CLTA: variants seen among roughly 807,000 people sequenced by gnomAD.
CLTA encodes clathrin light chain A.
CLTA carries 9 observed loss-of-function variants against 26.9 expected under a neutral mutation model. That is an observed-to-expected ratio of 0.33 (90% CI 0.20 to 0.58). The LOEUF (loss-of-function observed/expected upper bound fraction) is 0.58. Among genes scored for constraint, CLTA ranks in the 20% least tolerant of loss-of-function variants. The pLI is 0.85. For synonymous variants in CLTA, 120 were observed against 115.5 expected, an observed-to-expected ratio of 1.04 and a Z score of -0.25; for missense variants, 278 against 294.2, an observed-to-expected ratio of 0.94 and a Z score of 0.40.
chr9:36,197,285 C>T (rs1015862740), intron 1 of CLTA, among the ~76,000 whole-genome samples: 1 of 152,114 alleles, frequency 6.6e-6, no homozygotes, highest in Non-Finnish European at 1.5e-5. Flanking sequence ...GCTAGTCTTC[C>T]ATTTGTTACC....
chr9:36,198,386 A>C (rs1296231193), intron 2 of CLTA, among the ~76,000 whole-genome samples: 1 of 151,436 alleles, frequency 6.6e-6, no homozygotes, highest in Non-Finnish European at 1.5e-5. Flanking sequence ...CCTTAAAAGC[A>C]ACAACACAGG....
At chr9:36,207,401 C>G (rs914043881) in intron 4 of CLTA, among the ~76,000 whole-genome samples, 4 of 152,234 alleles carry the variant, frequency 2.6e-5, no homozygotes, top group Non-Finnish European at 4.4e-5. Context: ...TCAGCTCTTT[C>G]AAGGCTTGAG....
Position 36,211,368 on chromosome 9 carries a change from C to G in CLTA, c.486-235C>G, listed in dbSNP as rs527862249. ...GAGACAGACAGAGAGACATAGTGAG[C>G]CTTGAACCAAACACCTGTATTCCAA... On this transcript the variant is annotated intron_variant, in intron 4 of 4. Transcript: ENST00000345519. Among the ~76,000 whole-genome samples the G allele has an allele frequency of 6.6e-5, 10 of 152,288 alleles. No homozygotes were observed. The East Asian group carries it at 7.7e-4, about 12-fold the overall frequency.
chr9:36,204,961 C>T (rs1028177261), intron 4 of CLTA, among the ~76,000 whole-genome samples: 1 of 152,098 alleles, frequency 6.6e-6, no homozygotes, highest in Non-Finnish European at 1.5e-5. Context: ...CGGGCCAGAC[C>T]GAGCCTGGGG....
intron 3 of CLTA, 40 bp from the exon 4 acceptor site, chr9:36,204,028 T>G: frequency 1.9e-6 from 3 of 1,611,830 alleles, no homozygotes; most frequent in Non-Finnish European, 2.5e-6. Context: ...GTTTGCACTT[T>G]GCCTCAATTG....
intron 1 of CLTA, among the ~76,000 whole-genome samples, chr9:36,192,793 A>G (rs756405920): frequency 6.6e-6 from 1 of 152,156 alleles, no homozygotes; most frequent in Non-Finnish European, 1.5e-5. Context: ...ATTCTGTTGC[A>G]GTGTTTAGTT....
At chr9:36,193,313 C>T (rs1262734338) in intron 1 of CLTA, among the ~76,000 whole-genome samples, 3 of 148,390 alleles carry the variant, frequency 2.0e-5, no homozygotes, top group Non-Finnish European at 4.5e-5. Flanking sequence ...TTTTCTTTTT[C>T]CTTCTTTTTT....
At chr9:36,207,525 C>G (rs7851157) in intron 4 of CLTA, among the ~76,000 whole-genome samples, 14,418 of 152,266 alleles carry the variant, frequency 0.095, 930 homozygotes, top group South Asian at 0.17. Flanking sequence ...AGAGCTTGTC[C>G]TAGGTCAGGT....
chr9:36,197,644 T>C (rs1460259109), intron 2 of CLTA, 56 bp downstream of exon 2: 4 of 1,343,558 alleles, frequency 3.0e-6, no homozygotes, highest in Non-Finnish European at 4.2e-6. Context: ...TCCTTTCCTG[T>C]GATTTTAATT....
At chr9:36,198,824 G>A (rs1370563695) in intron 2 of CLTA, among the ~76,000 whole-genome samples, 155 bp from the exon 3 acceptor site, 1 of 147,720 alleles carries the variant, frequency 6.8e-6, no homozygotes, top group African/African-American at 2.5e-5. Context: ...AGTGAGCCGA[G>A]ATCGTGCCAC....
At chr9:36,194,150 C>T (rs1478992734) in intron 1 of CLTA, among the ~76,000 whole-genome samples, 7 of 152,170 alleles carry the variant, frequency 4.6e-5, no homozygotes, top group South Asian at 4.1e-4. Context: ...CTCAGCCTCC[C>T]GAGTAGCTGG....
chr9:36,207,192 A>G (rs550902247), intron 4 of CLTA, among the ~76,000 whole-genome samples: 1 of 152,248 alleles, frequency 6.6e-6, no homozygotes, highest in East Asian at 1.9e-4. Context: ...CCCAGACTGC[A>G]TCTCCCTTCT....
intron 1 of CLTA, among the ~76,000 whole-genome samples, chr9:36,192,489 CA>C (rs1826792834): frequency 6.6e-6 from 1 of 152,120 alleles, no homozygotes; most frequent in Non-Finnish European, 1.5e-5. Context: ...ATCAGTCCCC[CA>C]ATAAGAACTT....
At position 36,204,085 on chromosome 9, in the gene CLTA, C is replaced by G. The variant is rs1177053055; in HGVS notation, c.391C>G (p.Gln131Glu). The G allele has an allele frequency of 6.2e-7, 1 of 1,613,996 alleles. No individual in the cohort carries two copies. Among genetic ancestry groups the G allele is most frequent in the Admixed American group, 1.7e-5 (1 of 60,010 alleles). The change falls in exon 4 of 5, where the codon CAA becomes GAA. Residue 131 changes from glutamine to glutamate, a missense_variant. Transcript: ENST00000345519. ...CTTCAAAGATGCCAATTCTCGGAAG[C>G]AAGAAGCAGAGTGGAAAGAAAAGGC... is the stretch of plus-strand genomic sequence containing the variant. ...LEALDANSRKQEAEWKEKAIK... is the reference protein window; with the variant it reads ...LEALDANSRKEEAEWKEKAIK...
chr9:36,196,160 G>C (rs1353000521), intron 1 of CLTA, among the ~76,000 whole-genome samples: 3 of 150,912 alleles, frequency 2.0e-5, no homozygotes, highest in Admixed American at 2.0e-4. Flanking sequence ...CACGCCTGTA[G>C]TCCCAGCTAC....
At position 36,204,309 on chromosome 9, in the gene CLTA, T is replaced by C. The variant is rs944968693; in HGVS notation, c.485+130T>C. On this transcript the variant is annotated intron_variant, in intron 4 of 4. Coordinates refer to ENST00000345519, the MANE Select transcript of CLTA (RefSeq NM_001833.4). ...TGTCTGCAGTTTTTAAAGAAAGTGCTTGAAACAGGTTGCAAGTCTCTCGGG... is the reference window on the plus strand; with the variant it reads ...TGTCTGCAGTTTTTAAAGAAAGTGCCTGAAACAGGTTGCAAGTCTCTCGGG... 4.1e-6 allele frequency: 4 copies of C among 967,748 alleles called. No individual in the cohort carries two copies. In the African/African-American group the frequency reaches 6.6e-5, roughly 16 times the overall value. 59.9% of individuals were successfully genotyped at this position (967,748 alleles called of 1,614,324 possible).
intron 4 of CLTA, chr9:36,210,678 C>T (rs1300631880): frequency 2.5e-6 from 4 of 1,613,944 alleles, no homozygotes; most frequent in Admixed American, 3.3e-5. Context: ...AAACCTTTCT[C>T]ACTGCCCCTA....
chr9:36,200,913 G>T (rs530079219), intron 3 of CLTA, among the ~76,000 whole-genome samples: 19 of 152,296 alleles, frequency 1.2e-4, no homozygotes, highest in African/African-American at 4.3e-4. Flanking sequence ...TTTGGTCCTT[G>T]CTTGTTCTTT....
At chr9:36,204,560 C>A (rs1411565927) in intron 4 of CLTA, among the ~76,000 whole-genome samples, 1 of 152,140 alleles carries the variant, frequency 6.6e-6, no homozygotes, top group Non-Finnish European at 1.5e-5. Flanking sequence ...CTCAATATAG[C>A]CCTGCCCCCT....
Sources: gnomAD v4.1 joint callset for allele counts (sites outside exome capture counted in the v4.1 genomes callset) on GRCh38, gnomAD v4.1.1 for gene constraint, MANE v1.5 for transcripts, NCBI Gene and HGNC (gene_info 2026-07-23, HGNC 2026-07-21) for gene names.